EPS15: variants seen among roughly 807,000 people sequenced by gnomAD.
The protein encoded by EPS15 is epidermal growth factor receptor pathway substrate 15, also known as epidermal growth factor receptor substrate 15.
Under a neutral mutation model 113.8 loss-of-function variants are expected in EPS15, and 72 were observed. The ratio of observed to expected loss-of-function variants is 0.63; its 90% CI spans 0.52 to 0.77. The LOEUF is 0.77. Ranked by LOEUF, EPS15 falls within the 30% of genes least tolerant of loss-of-function variation. The pLI is 0.00. For synonymous variants in EPS15, 344 were observed against 363.4 expected, an observed-to-expected ratio of 0.95 and a Z score of 0.61; for missense variants, 1,048 against 1,045.8, an observed-to-expected ratio of 1.00 and a Z score of -0.03.
At chr1:51,494,136 C>G (rs1328568814) in intron 1 of EPS15, among the ~76,000 whole-genome samples, 1 of 152,146 alleles carries the variant, frequency 6.6e-6, no homozygotes, top group Non-Finnish European at 1.5e-5. Flanking sequence ...AGAACCTCTC[C>G]AAAACACAGG....
At chr1:51,388,587 A>G (rs1647160233) in intron 21 of EPS15, among the ~76,000 whole-genome samples, 1 of 152,132 alleles carries the variant, frequency 6.6e-6, no homozygotes. Flanking sequence ...TAATAAAGAA[A>G]AAAAGAGAGA....
intron 11 of EPS15, among the ~76,000 whole-genome samples, chr1:51,442,762 T>C (rs1652692056): frequency 6.6e-6 from 1 of 152,142 alleles, no homozygotes; most frequent in South Asian, 2.1e-4. Context: ...TTTCAAAATG[T>C]ATCTTGTAAA....
intron 13 of EPS15, among the ~76,000 whole-genome samples, chr1:51,416,281 G>A (rs937016599): frequency 6.6e-6 from 1 of 152,120 alleles, no homozygotes; most frequent in African/African-American, 2.4e-5. Flanking sequence ...AATGACAGAA[G>A]ACATTTGCAG....
At chr1:51,437,645 T>G (rs1026144919) in intron 12 of EPS15, among the ~76,000 whole-genome samples, 1 of 151,718 alleles carries the variant, frequency 6.6e-6, no homozygotes, top group Non-Finnish European at 1.5e-5. Context: ...ACCACGCCTG[T>G]CTAATTTTTG....
At chr1:51,363,792 G>GT (rs1381514040) in intron 23 of EPS15, 74 bp downstream of exon 23, 91 of 1,392,676 alleles carry the variant, frequency 6.5e-5, no homozygotes, top group South Asian at 2.4e-4. Context: ...ATTTATATAA[G>GT]TAAGTTCCGC....
chr1:51,387,998 A>C (rs371645272), intron 21 of EPS15, among the ~76,000 whole-genome samples: 10 of 152,260 alleles, frequency 6.6e-5, no homozygotes, highest in South Asian at 2.1e-4. Context: ...ACTCTCCACC[A>C]CAAATCAACA....
intron 1 of EPS15, among the ~76,000 whole-genome samples, chr1:51,516,800 A>G (rs1644726934): frequency 6.6e-6 from 1 of 152,246 alleles, no homozygotes; most frequent in Non-Finnish European, 1.5e-5. Context: ...TTTAATCTCC[A>G]TAACTGTTAT....
chr1:51,485,551 G>C (rs1644104544), intron 1 of EPS15, among the ~76,000 whole-genome samples: 1 of 152,118 alleles, frequency 6.6e-6, no homozygotes, highest in Non-Finnish European at 1.5e-5. Context: ...AACACAGTGA[G>C]ACATCATCTC....
chr1:51,516,185 T>G (rs1644713097), intron 1 of EPS15, among the ~76,000 whole-genome samples: 1 of 152,188 alleles, frequency 6.6e-6, no homozygotes, highest in African/African-American at 2.4e-5. Flanking sequence ...GAAAGTCCAC[T>G]AGGTCTATAA....
intron 13 of EPS15, among the ~76,000 whole-genome samples, chr1:51,412,257 A>G (rs1311058101): frequency 6.6e-6 from 1 of 152,216 alleles, no homozygotes; most frequent in East Asian, 1.9e-4. Context: ...TACCTAATAC[A>G]TGCAGAGCTT....
chr1:51,406,200 G>A lies in EPS15; in HGVS notation c.1474-92C>T, dbSNP rs940106761. On this transcript the variant is annotated intron_variant, in intron 15 of 24. Coordinates refer to ENST00000371733, the MANE Select transcript of EPS15 (RefSeq NM_001981.3). The stretch of plus-strand genomic sequence containing the variant: ...CCTCCTCCACTTCCTGACGGGCTAG[G>A]TGTGGTAGCTCATGCCTATAATCTC... The A allele has an allele frequency of 8.6e-6, 9 of 1,043,022 alleles. No homozygotes were observed. The Admixed American group carries it at 1.7e-4, about 20-fold the overall frequency. 64.6% of individuals were successfully genotyped at this position (1,043,022 alleles called of 1,614,324 possible). A position where few individuals can be genotyped will look rare whatever the true frequency, so the allele number is the denominator to read the frequency against.
At chr1:51,395,200 T>C (rs1048331264) in intron 20 of EPS15, among the ~76,000 whole-genome samples, 3 of 152,220 alleles carry the variant, frequency 2.0e-5, no homozygotes, top group South Asian at 2.1e-4. Context: ...GTTGTAAAGA[T>C]AGTACAGAGT....
chr1:51,442,979 A>G (rs898901371), intron 11 of EPS15, among the ~76,000 whole-genome samples: 1 of 152,214 alleles, frequency 6.6e-6, no homozygotes, highest in African/African-American at 2.4e-5. Context: ...TAAAAAAACC[A>G]GATTAAAGAG....
chr1:51,479,931 G>C (rs1314512173), intron 2 of EPS15, among the ~76,000 whole-genome samples: 1 of 152,190 alleles, frequency 6.6e-6, no homozygotes, highest in African/African-American at 2.4e-5. Context: ...TAGCAAATCT[G>C]GGAAACCTCA....
intron 1 of EPS15, among the ~76,000 whole-genome samples, chr1:51,506,090 T>C (rs1370148219): frequency 6.6e-6 from 1 of 152,152 alleles, no homozygotes; most frequent in Non-Finnish European, 1.5e-5. Context: ...TTTCACCACT[T>C]TGGCCAGGCT....
chr1:51,360,742 A>C (rs1646364592), intron 24 of EPS15, among the ~76,000 whole-genome samples: 1 of 152,188 alleles, frequency 6.6e-6, no homozygotes, highest in African/African-American at 2.4e-5. Flanking sequence ...GTCTCCAGAA[A>C]TCATTAAAAC....
rs1046667100 is a variant in EPS15, at chr1:51,355,303, T to G, written c.*1397A>C. The G allele has an allele frequency of 1.3e-4, 28 of 217,392 alleles. No homozygotes were observed. In the South Asian group the frequency reaches 1.3e-3, roughly 10 times the overall value. The allele number at this position is 217,392 out of a possible 1,614,324, so 13.5% of individuals were successfully genotyped here. ...AGTTACTCAGATTAACACAGATCAA[T>G]ACCACCTTGACTTGTTGACCCAGAG... On this transcript the variant is annotated 3_prime_UTR_variant, in exon 25 of 25. Coordinates refer to ENST00000371733, the MANE Select transcript of EPS15 (RefSeq NM_001981.3).
chr1:51,453,518 T>TCA (rs886800102), intron 8 of EPS15, among the ~76,000 whole-genome samples: 2 of 151,992 alleles, frequency 1.3e-5, no homozygotes, highest in Admixed American at 6.6e-5. Context: ...TCAAATGCAT[T>TCA]CACACACACA....
intron 21 of EPS15, among the ~76,000 whole-genome samples, chr1:51,366,820 T>C (rs1406233154): frequency 6.6e-6 from 1 of 152,186 alleles, no homozygotes; most frequent in Non-Finnish European, 1.5e-5. Context: ...GAAGTAATTT[T>C]TTCCTTCTCT....
Sources: gnomAD v4.1 joint callset for allele counts (sites outside exome capture counted in the v4.1 genomes callset) on GRCh38, gnomAD v4.1.1 for gene constraint, MANE v1.5 for transcripts, NCBI Gene and HGNC (gene_info 2026-07-23, HGNC 2026-07-21) for gene names.